OPA3: variants seen among roughly 807,000 people sequenced by gnomAD.
The protein encoded by OPA3 is optic atrophy 3 protein.
OPA3 carries 6 observed loss-of-function variants against 4.0 expected under a neutral mutation model. The ratio of observed to expected loss-of-function variants is 1.51; its 90% CI spans 0.83 to 2.99. The LOEUF (loss-of-function observed/expected upper bound fraction) is 2.99, where lower values mean the gene tolerates loss of function less well. OPA3 is among the 30% of genes most tolerant of loss of function. The pLI is 0.00. For missense variants in OPA3, 235 were observed against 256.2 expected, an observed-to-expected ratio of 0.92 and a Z score of 0.56; for synonymous variants, 105 against 117.1, an observed-to-expected ratio of 0.90 and a Z score of 0.67.
At chr19:45,561,834 G>A (rs1369682392) in intron 1 of OPA3, among the ~76,000 whole-genome samples, 3 of 151,910 alleles carry the variant, frequency 2.0e-5, no homozygotes, top group African/African-American at 4.8e-5. Flanking sequence ...CCAGCTACCC[G>A]GGAGGCTGAG....
intron 1 of OPA3, among the ~76,000 whole-genome samples, chr19:45,559,397 C>CTTTTTTTTTTTTTTTTTTTTTTTTTTTT (rs71338781): frequency 1.7e-5 from 1 of 59,910 alleles, no homozygotes; most frequent in Non-Finnish European, 3.0e-5. Context: ...CTTTTTCTTT[C>CTTTTTTTTTTTTTTTTTTTTTTTTTTTT]TTTTTTTTTT....
Position 45,537,476 on chromosome 19 carries a change from A to T in OPA3, c.143-8020T>A, listed in dbSNP as rs917945828. The stretch of plus-strand genomic sequence containing the variant: ...ACACCAGCAAGAGAGGGAAAAGGCA[A>T]ATCATAGACTGGAAGAAGCCATTTG... On this transcript the variant is annotated intron_variant, in intron 1 of 1. Transcript: ENST00000323060. Among the ~76,000 whole-genome samples the T allele has an allele frequency of 7.9e-5, 12 of 151,962 alleles. No individual in the cohort carries two copies. The South Asian group carries it at 1.2e-3, about 16-fold the overall frequency.
intron 1 of OPA3, among the ~76,000 whole-genome samples, chr19:45,570,411 G>A (rs12983231): frequency 0.23 from 35,313 of 152,142 alleles, 4,997 homozygotes; most frequent in Middle Eastern, 0.37. Flanking sequence ...GGCTGGGAGC[G>A]GTGGCTCATG....
downstream of OPA3, among the ~76,000 whole-genome samples, chr19:45,544,210 A>C (rs1189479075): frequency 6.6e-6 from 1 of 152,146 alleles, no homozygotes; most frequent in Non-Finnish European, 1.5e-5. Flanking sequence ...TCTCGAGACA[A>C]ATGATCTAAG....
chr19:45,530,927 C>CTTTTTTTTTTTTTTTTTTTTTTTTT (rs71173176), intron 1 of OPA3, among the ~76,000 whole-genome samples: 1 of 35,412 alleles, frequency 2.8e-5, no homozygotes, highest in Non-Finnish European at 5.3e-5. Flanking sequence ...ATGTCACCTA[C>CTTTTTTTTTTTTTTTTTTTTTTTTT]TTTTTTTTTT....
At chr19:45,572,112 AATAT>A (rs1259085466) in intron 1 of OPA3, among the ~76,000 whole-genome samples, 1 of 133,718 alleles carries the variant, frequency 7.5e-6, no homozygotes, top group Non-Finnish European at 1.7e-5. Context: ...TATATATATC[AATAT>A]ATATTGATAT....
chr19:45,563,164 T>C (rs1017269495), intron 1 of OPA3, among the ~76,000 whole-genome samples: 4 of 152,116 alleles, frequency 2.6e-5, no homozygotes, highest in Non-Finnish European at 4.4e-5. Flanking sequence ...ATAACAATTT[T>C]TTTGTTTGTT....
At chr19:45,555,166 T>C (rs993316136) in intron 1 of OPA3, among the ~76,000 whole-genome samples, 17 of 152,142 alleles carry the variant, frequency 1.1e-4, no homozygotes, top group African/African-American at 4.1e-4. Context: ...TAACTTAGCA[T>C]TTAGAACCTT....
In OPA3 at chr19:45,546,431, C is replaced by G; in HGVS notation, c.*7083G>C. On this transcript the variant is annotated 3_prime_UTR_variant, in exon 2 of 2. Transcript: ENST00000263275. ...TGTGTCACATAATATATGAATTATA[C>G]ACTTTTAAAATACATAGAATTGTAA... 1.8e-6 allele frequency: 1 copy of G among 560,114 alleles called. No homozygotes were observed. Among genetic ancestry groups the G allele is most frequent in the Non-Finnish European group, 2.3e-6 (1 of 442,914 alleles). 34.7% of individuals were successfully genotyped at this position (560,114 alleles called of 1,614,324 possible). A position where few individuals can be genotyped will look rare whatever the true frequency, so the allele number is the denominator to read the frequency against.
chr19:45,575,732 T>C lies in OPA3; in HGVS notation c.142+8891A>G, dbSNP rs188392867. On this transcript the variant is annotated intron_variant, in intron 1 of 1. Coordinates refer to ENST00000263275, the MANE Select transcript of OPA3 (RefSeq NM_025136.4). ...AGCAATCCTGCCGCAGCCTCCTGAG[T>C]GGCTAAAACTATAGGCATGCATCAC... 5.3e-5 allele frequency among the ~76,000 whole-genome samples: 8 copies of C among 152,208 alleles called. No homozygotes were observed. In the East Asian group the frequency reaches 1.5e-3, roughly 29 times the overall value.
chr19:45,576,559 T>G (rs1253075573), intron 1 of OPA3, among the ~76,000 whole-genome samples: 1 of 126,588 alleles, frequency 7.9e-6, no homozygotes, highest in South Asian at 2.6e-4. Flanking sequence ...AAAAAAAAAG[T>G]CCAAAATGGC....
chr19:45,541,227 C>T (rs528722965), intron 1 of OPA3, among the ~76,000 whole-genome samples: 26 of 151,960 alleles, frequency 1.7e-4, no homozygotes, highest in Admixed American at 9.2e-4. Context: ...TGCTGCCCCT[C>T]GGCATCACAG....
chr19:45,541,207 A>C (rs1969181882), intron 1 of OPA3, among the ~76,000 whole-genome samples: 1 of 152,170 alleles, frequency 6.6e-6, no homozygotes, highest in Non-Finnish European at 1.5e-5. Context: ...CCACATGCCC[A>C]AAAGATGCCT....
intron 1 of OPA3, among the ~76,000 whole-genome samples, chr19:45,539,753 C>CA (rs758168568): frequency 3.2e-3 from 352 of 110,370 alleles, no homozygotes; most frequent in African/African-American, 6.6e-3. Context: ...GACCTTGTCT[C>CA]AAAAAAAAAA....
chr19:45,578,432 T>C (rs1969799779), intron 1 of OPA3, among the ~76,000 whole-genome samples: 1 of 113,386 alleles, frequency 8.8e-6, no homozygotes, highest in Non-Finnish European at 1.7e-5. Context: ...ACCCAGGAAC[T>C]AACTGAGCAC....
At chr19:45,580,575 G>C (rs921389163) in intron 1 of OPA3, among the ~76,000 whole-genome samples, 1 of 151,824 alleles carries the variant, frequency 6.6e-6, no homozygotes, top group African/African-American at 2.4e-5. Flanking sequence ...TTATAGGTGG[G>C]AGGCACCGCG....
chr19:45,542,831 G>A (rs1256630567), downstream of OPA3, among the ~76,000 whole-genome samples: 2 of 151,784 alleles, frequency 1.3e-5, no homozygotes, highest in Admixed American at 6.6e-5. Context: ...CTGCCACCAC[G>A]CCTGGCTAAT....
At chr19:45,572,462 A>C (rs1228264005) in intron 1 of OPA3, among the ~76,000 whole-genome samples, 2 of 135,684 alleles carry the variant, frequency 1.5e-5, no homozygotes, top group Non-Finnish European at 1.6e-5. Context: ...GATATATATC[A>C]TATATCATAT....
chr19:45,584,439 C>T, intron 1 of OPA3, 184 bp downstream of exon 1: 5 of 985,080 alleles, frequency 5.1e-6, no homozygotes, highest in Non-Finnish European at 6.0e-6. Context: ...GCCCCTTACG[C>T]CCCGCCCCGC....
Sources: gnomAD v4.1 joint callset for allele counts (sites outside exome capture counted in the v4.1 genomes callset) on GRCh38, gnomAD v4.1.1 for gene constraint, MANE v1.5 for transcripts, NCBI Gene and HGNC (gene_info 2026-07-23, HGNC 2026-07-21) for gene names.